WRNIP1: variants seen among roughly 807,000 people sequenced by gnomAD.
WRNIP1 encodes the protein WRN helicase interacting protein 1.
WRNIP1 carries 41 observed loss-of-function variants against 56.1 expected under a neutral mutation model. That is an observed-to-expected ratio of 0.73 (90% CI 0.57 to 0.95). WRNIP1 has a LOEUF of 0.95. Ranked by LOEUF, WRNIP1 falls within the 40% of genes least tolerant of loss-of-function variation. The pLI is 0.00. For missense variants in WRNIP1, 1,170 were observed against 939.4 expected, an observed-to-expected ratio of 1.25 and a Z score of -3.21; for synonymous variants, 547 against 398.1, an observed-to-expected ratio of 1.37 and a Z score of -4.45.
chr6:2,767,325 G>A (rs1468329521), intron 1 of WRNIP1, among the ~76,000 whole-genome samples: 1 of 152,242 alleles, frequency 6.6e-6, no homozygotes, highest in Non-Finnish European at 1.5e-5. Flanking sequence ...CCAGCATCAG[G>A]AAGGGAAAGG....
At chr6:2,783,019 C>T (rs921373110) in intron 4 of WRNIP1, among the ~76,000 whole-genome samples, 4 of 152,224 alleles carry the variant, frequency 2.6e-5, no homozygotes, top group Non-Finnish European at 5.9e-5. Context: ...CGAGCAGGCC[C>T]ACCGTTGCTT....
chr6:2,785,113 C>T lies in WRNIP1; in HGVS notation c.1829C>T (p.Pro610Leu), dbSNP rs751411360. The change falls in exon 7 of 7, where the codon CCA becomes CTA. Residue 610 changes from proline to leucine, a missense_variant. Coordinates refer to ENST00000380773, the MANE Select transcript of WRNIP1 (RefSeq NM_020135.3). ...VKACLRNHQG[P>L]LPPVPLHLRN... ...GCCTGCCTGAGGAACCACCAGGGGC[C>T]ACTGCCCCCCGTGCCCCTGCACCTG... is the stretch of plus-strand genomic sequence containing the variant. 6.2e-7 allele frequency: 1 copy of T among 1,614,216 alleles called. No individual in the cohort carries two copies. Among genetic ancestry groups the T allele is most frequent in the East Asian group, 2.2e-5 (1 of 44,890 alleles).
At chr6:2,783,089 A>G (rs1022738735) in intron 4 of WRNIP1, among the ~76,000 whole-genome samples, 1 of 150,956 alleles carries the variant, frequency 6.6e-6, no homozygotes, top group East Asian at 1.9e-4. Flanking sequence ...GTCCCCCTCC[A>G]CTCTTGTCTC....
chr6:2,783,480 T>C lies in WRNIP1; in HGVS notation c.1561T>C (p.Trp521Arg). 1 of 1,613,970 alleles carries C rather than the reference T, an allele frequency of 6.2e-7. No individual in the cohort carries two copies. Among genetic ancestry groups the C allele is most frequent in the Non-Finnish European group, 8.5e-7 (1 of 1,179,964 alleles). Residue 521 changes from tryptophan (W) to arginine (R), a missense_variant, in exon 5 of 7, where the codon TGG (tryptophan) becomes CGG (arginine). By Grantham distance (101) the Trp-to-Arg change is moderately radical. Coordinates refer to ENST00000380773, the MANE Select transcript of WRNIP1 (RefSeq NM_020135.3). ...RGSDQNASLY[W>R]LARMLEGGED... ...CTCAGACCAGAACGCCTCCCTCTACTGGCTGGCTCGCATGCTCGAGGGAGG... is the reference window on the plus strand; with the variant it reads ...CTCAGACCAGAACGCCTCCCTCTACCGGCTGGCTCGCATGCTCGAGGGAGG...
rs200233974 is a variant in WRNIP1 at position 2,765,665 on chromosome 6, C to T, written c.43C>T (p.Leu15=). ...GGAAGACGACCCCTTCCTTTCGCAGCTGCACCAGGTGCAGTGCCCCGTGTG... is the reference window on the plus strand; with the variant it reads ...GGAAGACGACCCCTTCCTTTCGCAGTTGCACCAGGTGCAGTGCCCCGTGTG... ...GPEDDPFLSQ[L]HQVQCPVCQQ... Residue 15 remains leucine, a synonymous_variant, in exon 1 of 7, where the codon CTG becomes TTG. Coordinates refer to ENST00000380773, the MANE Select transcript of WRNIP1 (RefSeq NM_020135.3). The T allele has an allele frequency of 8.4e-6, 13 of 1,551,314 alleles. No homozygotes were observed. In the Admixed American group the frequency reaches 8.9e-5, roughly 11 times the overall value.
rs1765727252 is a variant in WRNIP1 at position 2,786,868 on chromosome 6, C to T, written c.*1586C>T. 6.6e-6 allele frequency: 1 copy of T among 152,142 alleles called. No individual in the cohort carries two copies. The highest frequency in any genetic ancestry group is 6.5e-5 in the Admixed American group (1 of 15,272). The allele number at this position is 152,142 out of a possible 1,614,324, so 9.4% of individuals were successfully genotyped here. A position where few individuals can be genotyped will look rare whatever the true frequency, so the allele number is the denominator to read the frequency against. ...GGCCTTTCAATCTGGAAACTCCTTT[C>T]AGTTCTAGGGAAGTTTCTTTTTTTA... On this transcript the variant is annotated 3_prime_UTR_variant, in exon 7 of 7. Transcript: ENST00000380773.
intron 4 of WRNIP1, among the ~76,000 whole-genome samples, chr6:2,782,494 G>A (rs963941408): frequency 6.6e-6 from 1 of 152,208 alleles, no homozygotes; most frequent in Non-Finnish European, 1.5e-5. Context: ...TGTGGCTGGC[G>A]CCAGTCGTAT....
chr6:2,780,676 T>A (rs1765533973), intron 4 of WRNIP1, among the ~76,000 whole-genome samples: 1 of 151,914 alleles, frequency 6.6e-6, no homozygotes, highest in African/African-American at 2.4e-5. Context: ...TTTGGTCAAA[T>A]AGAAAAAATG....
chr6:2,766,962 TAA>T (rs763381460), intron 1 of WRNIP1, among the ~76,000 whole-genome samples: 2 of 152,268 alleles, frequency 1.3e-5, no homozygotes, highest in Non-Finnish European at 2.9e-5. Flanking sequence ...TAAGTTTATT[TAA>T]CATTCTTATA....
chr6:2,765,590 C>G lies in WRNIP1; in HGVS notation c.-33C>G, dbSNP rs1445869914. On this transcript the variant is annotated 5_prime_UTR_variant, in exon 1 of 7. Coordinates refer to ENST00000380773, the MANE Select transcript of WRNIP1 (RefSeq NM_020135.3). ...TCCGCGTGCGCACGGGTTGCTGCGG[C>G]CGCGCCGGGCGCCGGGGAGGGCGGC... 1 of 1,464,668 alleles carries G rather than the reference C, an allele frequency of 6.8e-7. No homozygotes were observed. Among genetic ancestry groups the G allele is most frequent in the South Asian group, 1.3e-5 (1 of 77,688 alleles). 90.7% of individuals were successfully genotyped at this position (1,464,668 alleles called of 1,614,324 possible).
chr6:2,778,803 G>C (rs1765490087), intron 3 of WRNIP1, among the ~76,000 whole-genome samples: 1 of 152,194 alleles, frequency 6.6e-6, no homozygotes, highest in Non-Finnish European at 1.5e-5. Flanking sequence ...CTAATATTCA[G>C]ATATAATGCT....
chr6:2,779,523 C>T (rs573174697), intron 4 of WRNIP1, 31 bp downstream of exon 4: 3 of 1,592,036 alleles, frequency 1.9e-6, no homozygotes, highest in Middle Eastern at 1.8e-4. Context: ...AAGAGTGAAA[C>T]CATACGGAAA....
Position 2,783,390 on chromosome 6 carries a change from C to A in WRNIP1, c.1487-16C>A. 6.4e-7 allele frequency: 1 copy of A among 1,572,878 alleles called. No homozygotes were observed. The highest frequency in any genetic ancestry group is 1.8e-5 in the Admixed American group (1 of 57,058). ...TCCTGTGAGCTCTGTGTGAGTGGTG[C>A]TCTTTGTGATGTCAGGTGAGGAGCA... On this transcript the variant is annotated splice_polypyrimidine_tract_variant and intron_variant, in intron 4 of 6. Coordinates refer to ENST00000380773, the MANE Select transcript of WRNIP1 (RefSeq NM_020135.3).
chr6:2,767,219 C>T (rs1554137055), intron 1 of WRNIP1, among the ~76,000 whole-genome samples: 1 of 152,030 alleles, frequency 6.6e-6, no homozygotes, highest in South Asian at 2.1e-4. Context: ...ATTGGAAAAA[C>T]ACTTGAGAAA....
intron 2 of WRNIP1, 72 bp from the exon 3 acceptor site, chr6:2,770,048 G>T (rs570826642): frequency 4.6e-5 from 74 of 1,592,670 alleles, no homozygotes; most frequent in Non-Finnish European, 2.6e-6. Flanking sequence ...GGAAGGGATA[G>T]CCAACTTACA....
At chr6:2,769,697 ATGAT>A (rs1463709320) in intron 2 of WRNIP1, among the ~76,000 whole-genome samples, 34 of 152,312 alleles carry the variant, frequency 2.2e-4, no homozygotes, top group African/African-American at 7.7e-4. Context: ...TAATAATAAT[ATGAT>A]TGAGTGCTTG....
rs765932108 is a variant in WRNIP1, at chr6:2,765,637, G to C, written c.15G>C (p.Gly5=). MEVS[G]PEDDPFLSQL... ...CGGCGGCCGCCATGGAGGTGAGCGG[G>C]CCGGAAGACGACCCCTTCCTTTCGC... Residue 5 remains glycine, a synonymous_variant, in exon 1 of 7, where the codon GGG becomes GGC. Transcript: ENST00000380773. 16 of 1,540,530 alleles carry C rather than the reference G, an allele frequency of 1.0e-5. No homozygotes were observed. The highest frequency in any genetic ancestry group is 1.8e-5 in the Admixed American group (1 of 54,536).
intron 3 of WRNIP1, among the ~76,000 whole-genome samples, chr6:2,775,560 G>A (rs1490816761): frequency 6.6e-6 from 1 of 152,132 alleles, no homozygotes; most frequent in Admixed American, 6.5e-5. Context: ...TGAAATAACA[G>A]GTACATTTTT....
At chr6:2,780,312 C>T (rs1765525494) in intron 4 of WRNIP1, among the ~76,000 whole-genome samples, 1 of 152,172 alleles carries the variant, frequency 6.6e-6, no homozygotes, top group African/African-American at 2.4e-5. Context: ...TAGGCTGTGC[C>T]ACGTGACAAT....
Sources: gnomAD v4.1 joint callset for allele counts (sites outside exome capture counted in the v4.1 genomes callset) on GRCh38, gnomAD v4.1.1 for gene constraint, MANE v1.5 for transcripts, NCBI Gene and HGNC (gene_info 2026-07-23, HGNC 2026-07-21) for gene names.